ART3: variants seen among roughly 807,000 people sequenced by gnomAD.
The protein encoded by ART3 is ADP-ribosyltransferase 3 (inactive).
Under a neutral mutation model 48.5 loss-of-function variants are expected in ART3, and 49 were observed. That is an observed-to-expected ratio of 1.01 (90% CI 0.80 to 1.28). The LOEUF (loss-of-function observed/expected upper bound fraction) is 1.28, where lower values mean the gene tolerates loss of function less well. ART3 is among the 50% of genes most tolerant of loss of function. ART3 has a pLI of 0.00. For synonymous variants in ART3, 145 were observed against 157.2 expected (o/e 0.92, Z 0.58); for missense variants, 438 against 454.3 (o/e 0.96, Z 0.33).
At chr4:76,022,038 T>C in intron 1 of ART3, 1 of 1,217,372 alleles carries the variant, frequency 8.2e-7, no homozygotes, top group Non-Finnish European at 1.2e-6. Context: ...GTTCATAGAA[T>C]AGATAACTGA....
chr4:76,047,496 A>G (rs970954893), intron 1 of ART3, among the ~76,000 whole-genome samples: 1 of 152,026 alleles, frequency 6.6e-6, no homozygotes, highest in East Asian at 1.9e-4. Context: ...AAGGCCTCTC[A>G]TAGCCGCTCG....
chr4:76,100,689 G>T, intron 6 of ART3, 106 bp from the exon 7 acceptor site: 1 of 1,322,294 alleles, frequency 7.6e-7, no homozygotes, highest in Non-Finnish European at 1.1e-6. Context: ...CCCTTTACAG[G>T]TGGGAATATT....
At chr4:76,037,181 C>G (rs7674409) in intron 1 of ART3, 93,140 of 152,340 alleles carry the variant, frequency 0.61, 29,551 homozygotes, top group East Asian at 0.94. Context: ...AAAAGTGATC[C>G]TCTTTGCTCA....
intron 1 of ART3, among the ~76,000 whole-genome samples, chr4:76,061,253 T>C (rs965140523): frequency 1.3e-5 from 2 of 152,208 alleles, no homozygotes; most frequent in Non-Finnish European, 2.9e-5. Flanking sequence ...CTCATATTTT[T>C]TATCTTGATG....
At chr4:76,072,388 A>G (rs1358811832), upstream of ART3, among the ~76,000 whole-genome samples, 2 of 152,144 alleles carry the variant, frequency 1.3e-5, no homozygotes, top group Non-Finnish European at 2.9e-5. Context: ...GTTTCTAACA[A>G]CCAAAGAAAC....
chr4:76,066,995 C>T (rs1290388244), intron 1 of ART3, among the ~76,000 whole-genome samples: 1 of 152,166 alleles, frequency 6.6e-6, no homozygotes, highest in Non-Finnish European at 1.5e-5. Flanking sequence ...GGCAGTTGCA[C>T]CCCTGCCCAG....
intron 3 of ART3, among the ~76,000 whole-genome samples, chr4:76,093,670 G>A (rs921737721): frequency 6.6e-6 from 1 of 152,192 alleles, no homozygotes; most frequent in African/African-American, 2.4e-5. Context: ...TCTGGGGATA[G>A]GATGTAGACC....
At chr4:76,051,098 G>A (rs1426822586) in intron 1 of ART3, among the ~76,000 whole-genome samples, 3 of 148,340 alleles carry the variant, frequency 2.0e-5, no homozygotes, top group African/African-American at 7.3e-5. Context: ...CCAGAAAGGG[G>A]CTCCCACAGT....
chr4:76,043,834 C>T (rs1260852001), intron 1 of ART3, among the ~76,000 whole-genome samples: 1 of 151,686 alleles, frequency 6.6e-6, no homozygotes, highest in Non-Finnish European at 1.5e-5. Flanking sequence ...GGACTGCCAG[C>T]ACACTGTCAC....
intron 8 of ART3, among the ~76,000 whole-genome samples, chr4:76,103,231 G>A (rs1727722824): frequency 6.6e-6 from 1 of 152,088 alleles, no homozygotes; most frequent in Non-Finnish European, 1.5e-5. Context: ...AGAACATTGT[G>A]AAAAGCCAGC....
At chr4:76,071,412 C>T (rs1270707529), upstream of ART3, among the ~76,000 whole-genome samples, 3 of 152,114 alleles carry the variant, frequency 2.0e-5, no homozygotes, top group African/African-American at 4.8e-5. Flanking sequence ...TACCTTTTCC[C>T]TGGTCCCACC....
chr4:76,047,990 C>T (rs887817288), intron 1 of ART3, among the ~76,000 whole-genome samples: 1 of 151,840 alleles, frequency 6.6e-6, no homozygotes, highest in Non-Finnish European at 1.5e-5. Context: ...CGGGTTGGGC[C>T]AAATTCCCCT....
Position 76,076,226 on chromosome 4 carries a change from G to A in ART3, c.69+268G>A, listed in dbSNP as rs570617171. Among the ~76,000 whole-genome samples the A allele has an allele frequency of 1.4e-3, 219 of 152,062 alleles. 1 individual carries two copies. The highest frequency in any genetic ancestry group is 3.4e-3 in the Middle Eastern group (1 of 294). ...TCACCATGTTAGCCAGGATGGTCTC[G>A]ATCTCCTGACCTCATGATCCGCCCA... On this transcript the variant is annotated intron_variant, in intron 2 of 11. Coordinates refer to ENST00000355810, the MANE Select transcript of ART3 (RefSeq NM_001130016.3).
intron 1 of ART3, among the ~76,000 whole-genome samples, chr4:76,048,167 C>A (rs910198280): frequency 6.6e-6 from 1 of 151,872 alleles, no homozygotes; most frequent in African/African-American, 2.4e-5. Flanking sequence ...CTGAGAGGTC[C>A]TCCTGTAGGA....
At chr4:76,070,134 G>A (rs183325434), upstream of ART3, among the ~76,000 whole-genome samples, 76 of 151,548 alleles carry the variant, frequency 5.0e-4, no homozygotes, top group East Asian at 0.011. Flanking sequence ...ACATTTGACA[G>A]GTGTGAACAT....
intron 3 of ART3, among the ~76,000 whole-genome samples, chr4:76,084,147 T>G (rs904496647): frequency 6.6e-6 from 1 of 152,222 alleles, no homozygotes; most frequent in African/African-American, 2.4e-5. Flanking sequence ...GATAATTCCC[T>G]CATCATACTG....
chr4:76,028,064 A>C (rs1409231064), intron 1 of ART3, among the ~76,000 whole-genome samples: 1 of 152,212 alleles, frequency 6.6e-6, no homozygotes, highest in African/African-American at 2.4e-5. Context: ...GTATCAGAAC[A>C]GTACCTGGTG....
At chr4:76,086,201 C>T (rs1216207579) in intron 3 of ART3, among the ~76,000 whole-genome samples, 3 of 151,952 alleles carry the variant, frequency 2.0e-5, no homozygotes, top group African/African-American at 4.8e-5. Context: ...GCATTATTCA[C>T]GGTAACCAAG....
chr4:76,057,950 T>G (rs1307418284), intron 1 of ART3: 1 of 152,232 alleles, frequency 6.6e-6, no homozygotes, highest in East Asian at 1.9e-4. Flanking sequence ...ATTTGTAATA[T>G]TCAGAGCTGT....
Sources: allele counts gnomAD v4.1 joint callset (sites outside exome capture counted in the v4.1 genomes callset), GRCh38; gene constraint gnomAD v4.1.1; transcripts MANE v1.5; gene names NCBI Gene and HGNC (gene_info 2026-07-23, HGNC 2026-07-21).